Variants in NALCN observed in about 807,000 individuals in gnomAD.
NALCN encodes sodium leak channel, non-selective, also known as sodium leak channel NALCN.
Under a neutral mutation model 225.3 loss-of-function variants are expected in NALCN, and 111 were observed. The observed-to-expected ratio is 0.49, with a 90% CI of 0.42 to 0.58. NALCN has a LOEUF of 0.58. NALCN is among the 20% of genes least tolerant of loss of function. The pLI is 0.00. For synonymous variants in NALCN, 764 were observed against 769.0 expected (o/e 0.99, Z 0.11); for missense variants, 1,378 against 2,202.4 (o/e 0.63, Z 7.49).
intron 26 of NALCN, among the ~76,000 whole-genome samples, chr13:101,102,677 G>T (rs2139605533): frequency 6.6e-6 from 1 of 152,316 alleles, no homozygotes; most frequent in East Asian, 1.9e-4. Flanking sequence ...GAAGTTAATT[G>T]AAGTGGGTTA....
At chr13:101,191,659 G>A (rs1185295058) in intron 14 of NALCN, among the ~76,000 whole-genome samples, 1 of 152,200 alleles carries the variant, frequency 6.6e-6, no homozygotes. Context: ...GTATGTAAAT[G>A]TGAGATTTTC....
At chr13:101,256,351 C>A (rs2042228278) in intron 11 of NALCN, among the ~76,000 whole-genome samples, 1 of 152,122 alleles carries the variant, frequency 6.6e-6, no homozygotes, top group African/African-American at 2.4e-5. Flanking sequence ...ACAGGGTCAT[C>A]ATTTCAACTC....
chr13:101,150,327 G>C (rs994892144), intron 15 of NALCN, among the ~76,000 whole-genome samples: 3 of 152,142 alleles, frequency 2.0e-5, no homozygotes, highest in African/African-American at 7.2e-5. Context: ...TGCTGGGTGT[G>C]TTCAGTTTAC....
chr13:101,074,667 G>A lies in NALCN; in HGVS notation c.3955-5C>T. ...GAGGAGCATCTTTAGCGTTACCTGGGGACCAGGGGTGGGAAGCGGGGAGAC... is the reference window on the plus strand; with the variant it reads ...GAGGAGCATCTTTAGCGTTACCTGGAGACCAGGGGTGGGAAGCGGGGAGAC... On this transcript the variant is annotated splice_region_variant and splice_polypyrimidine_tract_variant and intron_variant, in intron 35 of 43. Transcript: ENST00000251127. The A allele has an allele frequency of 6.3e-7, 1 of 1,597,904 alleles. No homozygotes were observed. Among genetic ancestry groups the A allele is most frequent in the Non-Finnish European group, 8.5e-7 (1 of 1,174,796 alleles).
At chr13:101,158,788 G>A (rs2038027951) in intron 15 of NALCN, among the ~76,000 whole-genome samples, 1 of 152,196 alleles carries the variant, frequency 6.6e-6, no homozygotes, top group Non-Finnish European at 1.5e-5. Flanking sequence ...TTCTCTGGAA[G>A]TCCTCTCTTG....
chr13:101,113,470 C>T (rs1460953302), intron 18 of NALCN, among the ~76,000 whole-genome samples: 1 of 152,166 alleles, frequency 6.6e-6, no homozygotes, highest in Non-Finnish European at 1.5e-5. Flanking sequence ...TGGAAAATAA[C>T]AGTGTTGGCA....
intron 7 of NALCN, among the ~76,000 whole-genome samples, chr13:101,323,928 C>T (rs531061): frequency 0.41 from 61,954 of 151,934 alleles, 12,974 homozygotes; most frequent in Middle Eastern, 0.47. Context: ...TAGAGTAGTA[C>T]AGGAGTCACT....
intron 6 of NALCN, among the ~76,000 whole-genome samples, chr13:101,351,083 T>A (rs1177316473): frequency 6.6e-5 from 10 of 152,144 alleles, no homozygotes; most frequent in Admixed American, 6.6e-4. Flanking sequence ...ACCTAATATA[T>A]AGTAGATGTT....
intron 11 of NALCN, among the ~76,000 whole-genome samples, chr13:101,244,157 G>A (rs921843335): frequency 3.5e-5 from 5 of 141,206 alleles, no homozygotes; most frequent in African/African-American, 1.0e-4. Context: ...TGTATTTTCA[G>A]ACTGAGATTT....
intron 13 of NALCN, among the ~76,000 whole-genome samples, chr13:101,210,102 C>G (rs531356665): frequency 1.3e-5 from 2 of 152,280 alleles, no homozygotes; most frequent in African/African-American, 4.8e-5. Context: ...TCTGCTTTTC[C>G]TTTTGTATTG....
intron 27 of NALCN, among the ~76,000 whole-genome samples, chr13:101,098,665 G>A (rs2034644338): frequency 3.3e-5 from 5 of 152,220 alleles, no homozygotes; most frequent in South Asian, 2.1e-4. Context: ...TGATCTAAAT[G>A]TTGGTGTATC....
At chr13:101,361,012 C>T (rs192067903) in intron 6 of NALCN, among the ~76,000 whole-genome samples, 2 of 152,096 alleles carry the variant, frequency 1.3e-5, no homozygotes, top group East Asian at 1.9e-4. Flanking sequence ...AAATTTTAAA[C>T]GATTGATTTC....
intron 11 of NALCN, among the ~76,000 whole-genome samples, chr13:101,242,754 G>T (rs2041791920): frequency 9.5e-6 from 1 of 105,272 alleles, no homozygotes; most frequent in Non-Finnish European, 2.1e-5. Context: ...AAATACAAAG[G>T]GTTTTATGCT....
At chr13:101,167,351 T>A (rs1177569541) in intron 15 of NALCN, among the ~76,000 whole-genome samples, 1 of 152,248 alleles carries the variant, frequency 6.6e-6, no homozygotes, top group East Asian at 1.9e-4. Context: ...CAACACAGAA[T>A]GTCTTTTCAC....
intron 17 of NALCN, among the ~76,000 whole-genome samples, chr13:101,136,387 G>A (rs2036794059): frequency 6.6e-6 from 1 of 152,258 alleles, no homozygotes; most frequent in African/African-American, 2.4e-5. Flanking sequence ...CATGTGCCAT[G>A]TTTGTGTGCT....
intron 3 of NALCN, among the ~76,000 whole-genome samples, chr13:101,393,879 A>G (rs2139483427): frequency 6.6e-6 from 1 of 152,336 alleles, no homozygotes; most frequent in Non-Finnish European, 1.5e-5. Flanking sequence ...GAAACCAACC[A>G]TAAAAAAAAT....
chr13:101,404,696 T>C (rs529742656), intron 1 of NALCN, among the ~76,000 whole-genome samples: 1 of 152,256 alleles, frequency 6.6e-6, no homozygotes, highest in Non-Finnish European at 1.5e-5. Context: ...TATTTTTAAA[T>C]GGCTGCTTAC....
chr13:101,110,696 A>C lies in NALCN; in HGVS notation c.2295-8T>G. 1 of 1,614,034 alleles carries C rather than the reference A, an allele frequency of 6.2e-7. No individual in the cohort carries two copies. The stretch of plus-strand genomic sequence containing the variant: ...GATCCATGTCTTAGTGACCTAAAAC[A>C]ACCACAGGCACTGGTTAATACATCT... On this transcript the variant is annotated splice_polypyrimidine_tract_variant and splice_region_variant and intron_variant, in intron 19 of 43. Transcript: ENST00000251127.
At chr13:101,093,428 G>A (rs1213528940) in intron 28 of NALCN, among the ~76,000 whole-genome samples, 2 of 152,130 alleles carry the variant, frequency 1.3e-5, no homozygotes, top group African/African-American at 4.8e-5. Flanking sequence ...AAGTTATCAT[G>A]GTTACAGATG....
Sources: allele counts gnomAD v4.1 joint callset (sites outside exome capture counted in the v4.1 genomes callset), GRCh38; gene constraint gnomAD v4.1.1; transcripts MANE v1.5; gene names NCBI Gene and HGNC (gene_info 2026-07-23, HGNC 2026-07-21).